RCAN2: variants seen among roughly 807,000 people sequenced by gnomAD.
RCAN2 encodes the protein calcipressin-2.
A neutral mutation model predicts 23.6 loss-of-function variants in RCAN2; 9 were observed. The ratio of observed to expected loss-of-function variants is 0.38; its 90% CI spans 0.23 to 0.67. The LOEUF (loss-of-function observed/expected upper bound fraction) is 0.67. Among genes scored for constraint, RCAN2 ranks in the 30% least tolerant of loss-of-function variants. The probability of loss-of-function intolerance (pLI) is 0.51; values close to 1 mark genes in which losing one functional copy is unlikely to be tolerated. For missense variants in RCAN2, 273 were observed against 302.3 expected (o/e 0.90, Z 0.72); for synonymous variants, 109 against 115.7 (o/e 0.94, Z 0.37).
At chr6:46,412,656 A>C (rs1421918060) in intron 2 of RCAN2, among the ~76,000 whole-genome samples, 1 of 152,222 alleles carries the variant, frequency 6.6e-6, no homozygotes, top group Non-Finnish European at 1.5e-5. Context: ...CAATTTCATC[A>C]AGCGTTCTTG....
intron 2 of RCAN2, among the ~76,000 whole-genome samples, chr6:46,429,249 G>A (rs1315113623): frequency 3.3e-5 from 5 of 152,142 alleles, no homozygotes; most frequent in Admixed American, 1.3e-4. Flanking sequence ...GAATAGAATT[G>A]TATAAACACT....
intron 2 of RCAN2, among the ~76,000 whole-genome samples, chr6:46,455,312 G>C (rs1015618466): frequency 1.3e-5 from 2 of 152,018 alleles, no homozygotes; most frequent in Non-Finnish European, 2.9e-5. Context: ...AATTTCAACA[G>C]TTCAACTCCA....
chr6:46,330,504 G>A (rs80081845), intron 2 of RCAN2, among the ~76,000 whole-genome samples: 8,176 of 152,060 alleles, frequency 0.054, 718 homozygotes, highest in African/African-American at 0.19. Context: ...ATCACAATAC[G>A]TACCATCACA....
intron 2 of RCAN2, among the ~76,000 whole-genome samples, chr6:46,391,205 T>C (rs1414165328): frequency 1.3e-5 from 2 of 152,190 alleles, no homozygotes; most frequent in East Asian, 3.9e-4. Context: ...GCTGAGATCA[T>C]GAAATACTAT....
chr6:46,446,065 G>A (rs1022472291), intron 2 of RCAN2, among the ~76,000 whole-genome samples: 28 of 151,360 alleles, frequency 1.8e-4, no homozygotes, highest in African/African-American at 6.8e-4. Context: ...CCAGGTACAG[G>A]AAGGTCTCCA....
At chr6:46,322,109 A>C (rs1162543550) in intron 2 of RCAN2, among the ~76,000 whole-genome samples, 1 of 152,206 alleles carries the variant, frequency 6.6e-6, no homozygotes. Flanking sequence ...CACTGGACTA[A>C]AGTGAAATGT....
chr6:46,316,576 C>T (rs1254607672), intron 2 of RCAN2, among the ~76,000 whole-genome samples: 1 of 152,234 alleles, frequency 6.6e-6, no homozygotes, highest in Non-Finnish European at 1.5e-5. Context: ...GCCAGCACTA[C>T]ATAGGCTTTT....
intron 2 of RCAN2, among the ~76,000 whole-genome samples, chr6:46,337,226 G>T (rs1008257872): frequency 1.3e-5 from 2 of 152,128 alleles, no homozygotes; most frequent in Non-Finnish European, 2.9e-5. Flanking sequence ...AATGGTAAGA[G>T]ATACTCGTTT....
chr6:46,387,516 T>A (rs1338907293), intron 2 of RCAN2, among the ~76,000 whole-genome samples: 1 of 152,194 alleles, frequency 6.6e-6, no homozygotes, highest in African/African-American at 2.4e-5. Flanking sequence ...TCATCACCAC[T>A]GGCCATCAGA....
chr6:46,434,364 A>T (rs1482733710), intron 2 of RCAN2, among the ~76,000 whole-genome samples: 1 of 152,184 alleles, frequency 6.6e-6, no homozygotes, highest in East Asian at 1.9e-4. Context: ...GTGTCTGTGA[A>T]GCAAACTCAG....
intron 4 of RCAN2, among the ~76,000 whole-genome samples, chr6:46,245,972 G>T (rs150417953): frequency 1.3e-5 from 2 of 152,134 alleles, no homozygotes; most frequent in Non-Finnish European, 1.5e-5. Context: ...ACTTTGGGGC[G>T]CAAGGTGTCA....
intron 2 of RCAN2, among the ~76,000 whole-genome samples, chr6:46,251,132 A>G (rs1766699229): frequency 3.3e-5 from 5 of 152,154 alleles, no homozygotes; most frequent in Admixed American, 3.3e-4. Context: ...CCCATCACGA[A>G]CAAAACAAGA....
At chr6:46,342,986 C>A (rs1764375830) in intron 2 of RCAN2, among the ~76,000 whole-genome samples, 2 of 151,996 alleles carry the variant, frequency 1.3e-5, no homozygotes, top group Admixed American at 1.3e-4. Context: ...GAGAATGATG[C>A]AGAGACATTT....
chr6:46,359,017 G>T (rs1764921481), intron 2 of RCAN2, among the ~76,000 whole-genome samples: 1 of 152,154 alleles, frequency 6.6e-6, no homozygotes, highest in Non-Finnish European at 1.5e-5. Flanking sequence ...TAGTTCTCAT[G>T]TAGTTAGTTC....
intron 1 of RCAN2, among the ~76,000 whole-genome samples, 183 bp from the exon 2 acceptor site, chr6:46,457,161 T>C (rs536600214): frequency 3.3e-5 from 5 of 152,126 alleles, no homozygotes; most frequent in Non-Finnish European, 7.4e-5. Context: ...GAACCAGAAT[T>C]TCCCATACAG....
intron 2 of RCAN2, among the ~76,000 whole-genome samples, chr6:46,293,511 T>G (rs1339953604): frequency 6.6e-6 from 1 of 152,184 alleles, no homozygotes; most frequent in Non-Finnish European, 1.5e-5. Context: ...CTTGTACATA[T>G]GAAGGACCAG....
intron 2 of RCAN2, among the ~76,000 whole-genome samples, chr6:46,455,550 T>C (rs1474400977): frequency 1.3e-5 from 2 of 151,708 alleles, no homozygotes; most frequent in Non-Finnish European, 1.5e-5. Flanking sequence ...AGTCATATAC[T>C]TTAGTTTAGA....
chr6:46,428,219 T>G (rs1459197150), intron 2 of RCAN2, among the ~76,000 whole-genome samples: 1 of 152,146 alleles, frequency 6.6e-6, no homozygotes, highest in Non-Finnish European at 1.5e-5. Flanking sequence ...TACCAGCCAA[T>G]GAGAGGTAAG....
intron 3 of RCAN2, among the ~76,000 whole-genome samples, 178 bp downstream of exon 3, chr6:46,248,545 C>T (rs1043210962): frequency 1.6e-4 from 24 of 151,996 alleles, no homozygotes; most frequent in African/African-American, 5.8e-4. Flanking sequence ...CTCTCAGAGC[C>T]TGTTTTCTAA....
Sources: gnomAD v4.1 joint callset for allele counts (sites outside exome capture counted in the v4.1 genomes callset) on GRCh38, gnomAD v4.1.1 for gene constraint, MANE v1.5 for transcripts, NCBI Gene and HGNC (gene_info 2026-07-23, HGNC 2026-07-21) for gene names.